Variants in PRKD1 observed in about 807,000 individuals in gnomAD.
PRKD1 encodes protein kinase D1, also known as serine/threonine-protein kinase D1.
PRKD1 carries 63 observed loss-of-function variants against 95.9 expected under a neutral mutation model. The observed-to-expected ratio is 0.66, with a 90% confidence interval of 0.54 to 0.81. PRKD1 has a LOEUF of 0.81. Ranked by LOEUF, PRKD1 falls within the 30% of genes least tolerant of loss-of-function variation. The probability of loss-of-function intolerance (pLI) is 0.00; values close to 1 mark genes in which losing one functional copy is unlikely to be tolerated. For synonymous variants in PRKD1, 425 were observed against 423.1 expected (o/e 1.00, Z -0.05); for missense variants, 1,048 against 1,165.3 (o/e 0.90, Z 1.47).
intron 1 of PRKD1, among the ~76,000 whole-genome samples, chr14:29,842,671 A>C (rs1163395232): frequency 6.6e-6 from 1 of 152,234 alleles, no homozygotes; most frequent in Non-Finnish European, 1.5e-5. Context: ...TGTTCTGGTG[A>C]AATGTTCCTT....
intron 2 of PRKD1, among the ~76,000 whole-genome samples, chr14:29,705,212 G>T (rs1037711202): frequency 1.4e-4 from 21 of 152,174 alleles, no homozygotes; most frequent in African/African-American, 4.8e-4. Flanking sequence ...AGAAATAAAT[G>T]TATTTGAGCT....
At chr14:29,865,130 T>C (rs1355866418) in intron 1 of PRKD1, among the ~76,000 whole-genome samples, 1 of 152,172 alleles carries the variant, frequency 6.6e-6, no homozygotes, top group Non-Finnish European at 1.5e-5. Flanking sequence ...TACTGGACAC[T>C]AATATGCAAG....
chr14:29,840,380 C>T (rs1278530202), intron 1 of PRKD1, among the ~76,000 whole-genome samples: 1 of 152,152 alleles, frequency 6.6e-6, no homozygotes, highest in Non-Finnish European at 1.5e-5. Context: ...TTGTCCATAT[C>T]ATTATCAGTA....
intron 12 of PRKD1, among the ~76,000 whole-genome samples, chr14:29,624,784 A>C (rs922525684): frequency 6.6e-6 from 1 of 152,158 alleles, no homozygotes; most frequent in African/African-American, 2.4e-5. Flanking sequence ...AAAGTATACA[A>C]AATACCCTGG....
chr14:29,595,866 A>G (rs780599589), intron 16 of PRKD1, among the ~76,000 whole-genome samples: 11 of 152,236 alleles, frequency 7.2e-5, no homozygotes, highest in Non-Finnish European at 1.6e-4. Context: ...TAGATGAGCA[A>G]TATCAAGCAT....
At chr14:29,587,532 C>A (rs1892978364) in intron 16 of PRKD1, among the ~76,000 whole-genome samples, 1 of 152,092 alleles carries the variant, frequency 6.6e-6, no homozygotes, top group South Asian at 2.1e-4. Flanking sequence ...AAATAAACAG[C>A]CAATTTTGAG....
intron 12 of PRKD1, among the ~76,000 whole-genome samples, chr14:29,624,743 TGAG>T (rs1267464299): frequency 2.6e-5 from 4 of 152,120 alleles, no homozygotes; most frequent in African/African-American, 9.7e-5. Context: ...TCATCTACAA[TGAG>T]GAGAAGATTG....
intron 1 of PRKD1, among the ~76,000 whole-genome samples, chr14:29,765,665 G>A (rs1888224649): frequency 6.6e-6 from 1 of 152,050 alleles, no homozygotes; most frequent in African/African-American, 2.4e-5. Flanking sequence ...AATAGATTTT[G>A]GTATAGGCAC....
intron 1 of PRKD1, among the ~76,000 whole-genome samples, chr14:29,738,362 C>T (rs1886824318): frequency 1.3e-5 from 2 of 152,092 alleles, no homozygotes; most frequent in Non-Finnish European, 2.9e-5. Flanking sequence ...TCCCAACCAC[C>T]ACCACTCCCT....
intron 4 of PRKD1, among the ~76,000 whole-genome samples, chr14:29,649,735 G>A (rs1220279410): frequency 6.6e-6 from 1 of 152,114 alleles, no homozygotes; most frequent in African/African-American, 2.4e-5. Context: ...CAGCATTTGA[G>A]GGGTTAACTT....
At chr14:29,880,391 G>A (rs1302938925) in intron 1 of PRKD1, among the ~76,000 whole-genome samples, 1 of 152,204 alleles carries the variant, frequency 6.6e-6, no homozygotes, top group Non-Finnish European at 1.5e-5. Flanking sequence ...GTACACAGAA[G>A]TCAAGAACTG....
Position 29,630,856 on chromosome 14 carries a change from G to C in PRKD1, c.1558C>G (p.Leu520Val), listed in dbSNP as rs2139112030. Residue 520 changes from leucine to valine, a missense_variant, in exon 10 of 18, where the codon CTC becomes GTC. Physicochemically the swap from Leu to Val is conservative, Grantham distance 32. Transcript: ENST00000331968. ...PSSPSPNNSV[L>V]TSGVGADVAR... ...ACATCTGCACCAACGCCACTGGTGA[G>C]AACACTGTTATTTGGTGATGGGCTG... The C allele has an allele frequency of 6.2e-7, 1 of 1,614,112 alleles. No homozygotes were observed. Among genetic ancestry groups the C allele is most frequent in the Non-Finnish European group, 8.5e-7 (1 of 1,180,002 alleles).
intron 2 of PRKD1, among the ~76,000 whole-genome samples, chr14:29,699,321 T>C (rs1884705936): frequency 6.6e-6 from 1 of 152,336 alleles, no homozygotes; most frequent in African/African-American, 2.4e-5. Flanking sequence ...TCATCAGTAC[T>C]GTATCCAATA....
chr14:29,801,066 A>AGTGT (rs142175166), intron 1 of PRKD1, among the ~76,000 whole-genome samples: 3 of 150,852 alleles, frequency 2.0e-5, no homozygotes, highest in Admixed American at 1.3e-4. Flanking sequence ...AGGGGACCCA[A>AGTGT]GTGTGTGTGT....
chr14:29,898,000 A>C (rs1007062390), intron 1 of PRKD1, among the ~76,000 whole-genome samples: 1 of 152,112 alleles, frequency 6.6e-6, no homozygotes, highest in African/African-American at 2.4e-5. Flanking sequence ...TAAATTTAAA[A>C]TAAGTTAAAA....
intron 12 of PRKD1, among the ~76,000 whole-genome samples, chr14:29,624,605 A>C (rs1398204796): frequency 6.6e-6 from 1 of 152,146 alleles, no homozygotes; most frequent in African/African-American, 2.4e-5. Flanking sequence ...TCCCCTTTAG[A>C]AAGTATAATT....
chr14:29,691,568 G>A (rs1290027850), intron 2 of PRKD1, among the ~76,000 whole-genome samples: 1 of 152,156 alleles, frequency 6.6e-6, no homozygotes, highest in Non-Finnish European at 1.5e-5. Flanking sequence ...CAATTATTAG[G>A]TTGGTGCAAA....
At chr14:29,648,697 C>A (rs1881296028) in intron 4 of PRKD1, among the ~76,000 whole-genome samples, 1 of 151,876 alleles carries the variant, frequency 6.6e-6, no homozygotes, top group African/African-American at 2.4e-5. Context: ...CTCTGTTGCC[C>A]AGGCTAGAGT....
intron 9 of PRKD1, among the ~76,000 whole-genome samples, 171 bp from the exon 10 acceptor site, chr14:29,631,192 C>T (rs1879985334): frequency 6.6e-6 from 1 of 151,952 alleles, no homozygotes; most frequent in African/African-American, 2.4e-5. Flanking sequence ...AAAAAAATAC[C>T]TTTACTATGG....
Sources: gnomAD v4.1 joint callset for allele counts (sites outside exome capture counted in the v4.1 genomes callset) on GRCh38, gnomAD v4.1.1 for gene constraint, MANE v1.5 for transcripts, NCBI Gene and HGNC (gene_info 2026-07-23, HGNC 2026-07-21) for gene names.